BCKDHB: variants seen among roughly 807,000 people sequenced by gnomAD.
The protein encoded by BCKDHB is 2-oxoisovalerate dehydrogenase subunit beta, mitochondrial.
In BCKDHB, 41 loss-of-function variants were observed where a neutral mutation model predicts 48.5. The ratio of observed to expected loss-of-function variants is 0.85; its 90% confidence interval spans 0.66 to 1.10. The LOEUF (loss-of-function observed/expected upper bound fraction) is 1.10, where lower values mean the gene tolerates loss of function less well. Ranked by LOEUF, BCKDHB falls within the 50% of genes least tolerant of loss-of-function variation. BCKDHB has a pLI of 0.00. For synonymous variants in BCKDHB, 201 were observed against 174.8 expected (o/e 1.15, Z -1.18); for missense variants, 496 against 494.2 (o/e 1.00, Z -0.03).
chr6:80,150,782 C>T (rs1771735817), intron 3 of BCKDHB, among the ~76,000 whole-genome samples: 1 of 151,930 alleles, frequency 6.6e-6, no homozygotes, highest in African/African-American at 2.4e-5. Flanking sequence ...GTCTTTTTCT[C>T]CTGACCTCAG....
chr6:80,400,442 T>C, the BCKDHB span, among the ~76,000 whole-genome samples: 1 of 151,966 alleles, frequency 6.6e-6, no homozygotes, highest in African/African-American at 2.4e-5. Context: ...AGATAAGACA[T>C]ACATACCACC....
intron 7 of BCKDHB, 87 bp downstream of exon 7, chr6:80,201,118 G>A (rs1774374623): frequency 3.5e-6 from 4 of 1,138,048 alleles, no homozygotes; most frequent in African/African-American, 3.1e-5. Flanking sequence ...AATTGAAAAC[G>A]ATGTTTTCTT....
chr6:80,433,508 C>T, the BCKDHB span, among the ~76,000 whole-genome samples: 3 of 152,216 alleles, frequency 2.0e-5, no homozygotes, highest in African/African-American at 7.2e-5. Flanking sequence ...CACCCCTCCC[C>T]GCGCCAAGCT....
the BCKDHB span, among the ~76,000 whole-genome samples, chr6:80,426,743 A>G: frequency 6.6e-6 from 1 of 152,134 alleles, no homozygotes; most frequent in Admixed American, 6.6e-5. Flanking sequence ...GGCCCAGAAT[A>G]TAGTTTATTT....
chr6:80,194,236 A>C (rs909534352), intron 6 of BCKDHB, among the ~76,000 whole-genome samples: 2 of 152,170 alleles, frequency 1.3e-5, no homozygotes, highest in Non-Finnish European at 2.9e-5. Context: ...TAATATTAAA[A>C]ATTTTGTTAA....
chr6:80,291,695 G>A (rs1027355440), intron 9 of BCKDHB, among the ~76,000 whole-genome samples: 5 of 152,170 alleles, frequency 3.3e-5, no homozygotes, highest in African/African-American at 1.2e-4. Flanking sequence ...TCACTGGTTG[G>A]TTCACAGGAG....
intron 8 of BCKDHB, among the ~76,000 whole-genome samples, chr6:80,254,349 T>C (rs1435072901): frequency 6.6e-6 from 1 of 152,078 alleles, no homozygotes; most frequent in Non-Finnish European, 1.5e-5. Flanking sequence ...TATTATGAAG[T>C]GTGATTGTAA....
chr6:80,272,997 T>C (rs559388556), intron 8 of BCKDHB, 138 bp from the exon 9 acceptor site: 25 of 727,090 alleles, frequency 3.4e-5, no homozygotes, highest in Middle Eastern at 3.8e-4. Context: ...TTGTAACTTA[T>C]TGGCATACAA....
rs114891319 is a variant in BCKDHB, at chr6:80,310,228, A to G, written c.1039-33436A>G. Among the ~76,000 whole-genome samples the G allele has an allele frequency of 9.3e-3, 1,417 of 152,182 alleles. 29 individuals are homozygous for G. Among genetic ancestry groups the G allele is most frequent in the African/African-American group, 0.032 (1,346 of 41,510 alleles). On this transcript the variant is annotated intron_variant, in intron 9 of 9. Transcript: ENST00000320393. The stretch of plus-strand genomic sequence containing the variant: ...GTATTAAGCCCAGCATCTATTAGCT[A>G]TTCTTCTTGATGCTCTTCCTCCTCC...
At chr6:80,354,016 G>A in the BCKDHB span, among the ~76,000 whole-genome samples, 3 of 151,968 alleles carry the variant, frequency 2.0e-5, no homozygotes, top group Admixed American at 2.0e-4. Flanking sequence ...CATATTTTTT[G>A]CCCATTTTTA....
intron 6 of BCKDHB, among the ~76,000 whole-genome samples, chr6:80,196,476 T>A (rs1014674886): frequency 6.6e-6 from 1 of 152,178 alleles, no homozygotes; most frequent in Non-Finnish European, 1.5e-5. Flanking sequence ...ATGATTTTAT[T>A]TGTTGGCTTA....
At chr6:80,272,869 AT>A (rs201671257) in intron 8 of BCKDHB, among the ~76,000 whole-genome samples, 4,571 of 152,280 alleles carry the variant, frequency 0.03, 84 homozygotes, top group Non-Finnish European at 0.048. Flanking sequence ...ATGGGTATGC[AT>A]TTTTAATTGC....
the BCKDHB span, among the ~76,000 whole-genome samples, chr6:80,375,750 T>A: frequency 1.2e-3 from 176 of 152,316 alleles, 2 homozygotes; most frequent in Middle Eastern, 3.4e-3. Flanking sequence ...GCCTGAATTA[T>A]TTTTCTGGTT....
chr6:80,356,976 G>C, the BCKDHB span: 2 of 71,086 alleles, frequency 2.8e-5, no homozygotes, highest in Non-Finnish European at 5.1e-5. Flanking sequence ...CACACGATTT[G>C]TTAGAAGGGA....
rs112060016 is a variant in BCKDHB, at chr6:80,201,064, A to G, written c.840+33A>G. 2.3e-4 allele frequency: 347 copies of G among 1,512,014 alleles called. 1 individual carries two copies. In the African/African-American group the frequency reaches 4.0e-3, roughly 17 times the overall value. 93.7% of individuals were successfully genotyped at this position (1,512,014 alleles called of 1,614,324 possible). ...GCATTGATCCCAACTGTTAAAACCT[A>G]CGTTGTGCTTGGAAGCTCTCATTTT... On this transcript the variant is annotated intron_variant, in intron 7 of 9. Coordinates refer to ENST00000320393, the MANE Select transcript of BCKDHB (RefSeq NM_183050.4).
At chr6:80,342,958 A>G (rs1395706864) in intron 9 of BCKDHB, among the ~76,000 whole-genome samples, 2 of 152,102 alleles carry the variant, frequency 1.3e-5, no homozygotes, top group Non-Finnish European at 2.9e-5. Context: ...ACTACAATGG[A>G]TTATGCCGAG....
the BCKDHB span, among the ~76,000 whole-genome samples, chr6:80,436,250 C>G: frequency 1.3e-5 from 2 of 149,466 alleles, no homozygotes; most frequent in South Asian, 4.2e-4. Context: ...GCTCTGCCCC[C>G]CGGGTTCACG....
chr6:80,127,073 C>T (rs1339453068), intron 1 of BCKDHB, among the ~76,000 whole-genome samples: 1 of 152,104 alleles, frequency 6.6e-6, no homozygotes, highest in Non-Finnish European at 1.5e-5. Flanking sequence ...TTCCAAACTC[C>T]AGCAGTTCCG....
the BCKDHB span, among the ~76,000 whole-genome samples, chr6:80,436,066 A>T: frequency 7.7e-5 from 11 of 143,302 alleles, no homozygotes; most frequent in Admixed American, 5.0e-4. Flanking sequence ...TCTCAAATCT[A>T]TTGTCTGTTG....
Sources: allele counts gnomAD v4.1 joint callset (sites outside exome capture counted in the v4.1 genomes callset), GRCh38; gene constraint gnomAD v4.1.1; transcripts MANE v1.5; gene names NCBI Gene and HGNC (gene_info 2026-07-23, HGNC 2026-07-21).